CHN1: variants seen among roughly 807,000 people sequenced by gnomAD.
CHN1 encodes the protein chimerin 1.
Under a neutral mutation model 59.5 loss-of-function variants are expected in CHN1, and 37 were observed. The observed-to-expected ratio is 0.62, with a 90% CI of 0.48 to 0.82. The LOEUF is 0.82. Ranked by LOEUF, CHN1 falls within the 40% of genes least tolerant of loss-of-function variation. The pLI is 0.00. For missense variants in CHN1, 469 were observed against 571.0 expected (o/e 0.82, Z 1.82); for synonymous variants, 206 against 200.4 (o/e 1.03, Z -0.24).
chr2:174,954,872 C>T (rs1197774947), intron 1 of CHN1, among the ~76,000 whole-genome samples: 1 of 152,020 alleles, frequency 6.6e-6, no homozygotes, highest in Non-Finnish European at 1.5e-5. Context: ...CTATGGAAAA[C>T]CGTGTGGAGA....
At chr2:174,901,793 T>G (rs1003623572) in intron 5 of CHN1, among the ~76,000 whole-genome samples, 38 of 152,222 alleles carry the variant, frequency 2.5e-4, no homozygotes, top group African/African-American at 8.7e-4. Context: ...GCATTTTATA[T>G]ATAGTACACG....
At chr2:174,976,780 C>T (rs1690959481) in intron 1 of CHN1, among the ~76,000 whole-genome samples, 3 of 152,158 alleles carry the variant, frequency 2.0e-5, no homozygotes, top group Admixed American at 2.0e-4. Context: ...ACCAATTAAA[C>T]TGATCAATCC....
chr2:174,846,524 T>A, intron 7 of CHN1: 1 of 1,358,454 alleles, frequency 7.4e-7, no homozygotes, highest in Non-Finnish European at 9.7e-7. Context: ...AACACAGATC[T>A]AATCCTCTCA....
chr2:174,837,149 T>G (rs1574072311), intron 7 of CHN1: 1 of 152,142 alleles, frequency 6.6e-6, no homozygotes, highest in Non-Finnish European at 1.5e-5. Context: ...GGTAACAGAT[T>G]AAGAAAAACA....
intron 7 of CHN1, among the ~76,000 whole-genome samples, chr2:174,835,656 G>A (rs1234361509): frequency 1.4e-5 from 2 of 147,826 alleles, no homozygotes; most frequent in African/African-American, 5.0e-5. Context: ...TTTCTTCTGT[G>A]GTATCTAATA....
chr2:174,919,507 T>C (rs898909523), intron 3 of CHN1, among the ~76,000 whole-genome samples: 3 of 152,240 alleles, frequency 2.0e-5, no homozygotes, highest in East Asian at 3.8e-4. Context: ...CTATTTACTA[T>C]GTGTTTTAGT....
intron 6 of CHN1, among the ~76,000 whole-genome samples, chr2:174,857,242 A>G (rs1158376840): frequency 6.6e-6 from 1 of 152,162 alleles, no homozygotes; most frequent in Non-Finnish European, 1.5e-5. Flanking sequence ...CTGATGGACT[A>G]GAATACTCAG....
rs1373856768 is a variant in CHN1 at position 175,004,841 on chromosome 2, G to A, written c.19+53C>T. The A allele has an allele frequency of 3.3e-6, 4 of 1,213,532 alleles. No individual in the cohort carries two copies. The Admixed American group carries it at 8.5e-5, about 26-fold the overall frequency. The allele number at this position is 1,213,532 out of a possible 1,614,324, so 75.2% of individuals were successfully genotyped here. On this transcript the variant is annotated intron_variant, in intron 1 of 12. Transcript: ENST00000409900. ...CCAGGCCCCCCAGGCCCCCGCCCCC[G>A]AGCCCCGGGACGCGGCCCACCTGCG...
intron 7 of CHN1, among the ~76,000 whole-genome samples, chr2:174,835,956 C>T (rs984271141): frequency 6.6e-6 from 1 of 152,158 alleles, no homozygotes; most frequent in African/African-American, 2.4e-5. Context: ...TTTCTTCCCA[C>T]ATATATGCAG....
intron 1 of CHN1, among the ~76,000 whole-genome samples, chr2:174,955,192 ATATATATAATTGATATATATATATATC>A (rs1041467717): frequency 5.9e-5 from 6 of 101,908 alleles, no homozygotes; most frequent in East Asian, 2.3e-4. Context: ...ATCTATATAT[ATATATATAATTGATATATATATATATC>A]TATATAGATA....
At chr2:174,904,614 C>T (rs960290365) in intron 5 of CHN1, among the ~76,000 whole-genome samples, 4 of 152,120 alleles carry the variant, frequency 2.6e-5, no homozygotes, top group Admixed American at 2.0e-4. Flanking sequence ...TCTCAAACTC[C>T]CAACCTCAGG....
At chr2:174,961,417 C>A (rs1176370770) in intron 1 of CHN1, among the ~76,000 whole-genome samples, 1 of 151,860 alleles carries the variant, frequency 6.6e-6, no homozygotes, top group East Asian at 1.9e-4. Flanking sequence ...CATGGAGAAA[C>A]CCCGTCTCTA....
intron 2 of CHN1, among the ~76,000 whole-genome samples, chr2:174,948,689 A>G (rs2105409113): frequency 6.6e-6 from 1 of 152,362 alleles, no homozygotes; most frequent in Non-Finnish European, 1.5e-5. Context: ...AACTTTTGAC[A>G]TTAAATTAAA....
intron 5 of CHN1, among the ~76,000 whole-genome samples, chr2:174,879,388 G>A (rs1048697765): frequency 1.3e-5 from 2 of 152,090 alleles, no homozygotes; most frequent in South Asian, 2.1e-4. Context: ...AGAATCCAAC[G>A]TACTATCCAT....
intron 5 of CHN1, among the ~76,000 whole-genome samples, chr2:174,891,180 T>TA (rs1298472210): frequency 1.7e-4 from 19 of 111,498 alleles, no homozygotes; most frequent in Admixed American, 3.5e-4. Flanking sequence ...AAAGAAAAAC[T>TA]AAAAAATTCA....
intron 3 of CHN1, among the ~76,000 whole-genome samples, chr2:174,925,999 A>G (rs1462805285): frequency 1.3e-5 from 2 of 152,220 alleles, no homozygotes; most frequent in East Asian, 3.8e-4. Flanking sequence ...CATGGTTTGC[A>G]TAAATGTTAT....
intron 7 of CHN1, chr2:174,846,230 A>G: frequency 1.4e-6 from 2 of 1,476,714 alleles, no homozygotes; most frequent in Non-Finnish European, 1.8e-6. Context: ...AGCTTGAATC[A>G]ACACACATAT....
chr2:174,818,541 AAAT>A (rs934346736), intron 8 of CHN1, among the ~76,000 whole-genome samples: 1 of 152,016 alleles, frequency 6.6e-6, no homozygotes, highest in African/African-American at 2.4e-5. Context: ...GCTATACTAC[AAAT>A]AATAATAATA....
At chr2:174,886,544 T>C (rs1687901530) in intron 5 of CHN1, among the ~76,000 whole-genome samples, 1 of 152,198 alleles carries the variant, frequency 6.6e-6, no homozygotes, top group Admixed American at 6.5e-5. Context: ...TATTAAGTTT[T>C]ATATAAAACT....
Sources: allele counts gnomAD v4.1 joint callset (sites outside exome capture counted in the v4.1 genomes callset), GRCh38; gene constraint gnomAD v4.1.1; transcripts MANE v1.5; gene names NCBI Gene and HGNC (gene_info 2026-07-23, HGNC 2026-07-21).